Variants in MXI1 observed in about 807,000 individuals in gnomAD.
MXI1 encodes MAX interactor 1, dimerization protein, also known as max-interacting protein 1.
In MXI1, 18 loss-of-function variants were observed where a neutral mutation model predicts 36.9. The ratio of observed to expected loss-of-function variants is 0.49; its 90% confidence interval spans 0.34 to 0.72. The LOEUF is 0.72. Among genes scored for constraint, MXI1 ranks in the 30% least tolerant of loss-of-function variants. The pLI is 0.01. For missense variants in MXI1, 304 were observed against 379.1 expected, an observed-to-expected ratio of 0.80 and a Z score of 1.64; for synonymous variants, 160 against 146.7, an observed-to-expected ratio of 1.09 and a Z score of -0.65.
intron 2 of MXI1, among the ~76,000 whole-genome samples, chr10:110,238,981 G>C (rs1167516651): frequency 6.6e-6 from 1 of 152,102 alleles, no homozygotes; most frequent in Non-Finnish European, 1.5e-5. Flanking sequence ...TTCTTCATCA[G>C]CCTTAGAGGT....
At chr10:110,208,829 G>A (rs891649915) in intron 1 of MXI1, among the ~76,000 whole-genome samples, 1 of 151,642 alleles carries the variant, frequency 6.6e-6, no homozygotes. Flanking sequence ...GGGAAACTTG[G>A]CCGTGGGGAC....
intron 3 of MXI1, among the ~76,000 whole-genome samples, chr10:110,248,810 G>T (rs1251125077): frequency 6.6e-6 from 1 of 151,906 alleles, no homozygotes; most frequent in Non-Finnish European, 1.5e-5. Flanking sequence ...AGATGATATA[G>T]AATTAACTTT....
intron 1 of MXI1, among the ~76,000 whole-genome samples, chr10:110,220,487 G>A (rs1695698343): frequency 6.6e-6 from 1 of 152,208 alleles, no homozygotes; most frequent in African/African-American, 2.4e-5. Flanking sequence ...AGCAGGAGCT[G>A]GTTGTGTGGT....
chr10:110,215,928 G>A (rs1854625714), intron 1 of MXI1, among the ~76,000 whole-genome samples: 2 of 152,304 alleles, frequency 1.3e-5, no homozygotes, highest in South Asian at 4.1e-4. Flanking sequence ...TCAATTCCCT[G>A]TCCCAAGGAC....
chr10:110,222,819 T>G (rs1472979126), intron 1 of MXI1, among the ~76,000 whole-genome samples: 1 of 152,122 alleles, frequency 6.6e-6, no homozygotes, highest in East Asian at 1.9e-4. Context: ...TGAGGGATGG[T>G]TTGTGGGTAG....
At chr10:110,272,301 C>G (rs1391810576) in intron 3 of MXI1, among the ~76,000 whole-genome samples, 1 of 152,152 alleles carries the variant, frequency 6.6e-6, no homozygotes, top group Non-Finnish European at 1.5e-5. Context: ...AATGAGAAAT[C>G]CAAAACATTT....
intron 3 of MXI1, among the ~76,000 whole-genome samples, chr10:110,256,428 A>G (rs902434283): frequency 2.0e-5 from 3 of 151,596 alleles, no homozygotes; most frequent in African/African-American, 4.8e-5. Context: ...ACATGGAGAA[A>G]CCCCATCGCT....
At chr10:110,225,938 G>A (rs1404427004) in intron 1 of MXI1, 3 of 866,298 alleles carry the variant, frequency 3.5e-6, no homozygotes, top group Admixed American at 6.2e-5. Flanking sequence ...AGGCAGGGGC[G>A]GGAGGGGGCG....
chr10:110,235,742 G>A (rs544856686), intron 2 of MXI1, among the ~76,000 whole-genome samples: 1 of 151,720 alleles, frequency 6.6e-6, no homozygotes, highest in East Asian at 1.9e-4. Flanking sequence ...CGGGTGTGGT[G>A]GCTTATGCCT....
intron 3 of MXI1, among the ~76,000 whole-genome samples, chr10:110,275,946 T>TA (rs1857014004): frequency 6.7e-6 from 1 of 149,742 alleles, no homozygotes; most frequent in African/African-American, 2.5e-5. Context: ...TATTTGACAA[T>TA]AAAATGTTCA....
Position 110,225,974 on chromosome 10 carries a change from C to T in MXI1, c.275-2215C>T, listed in dbSNP as rs987331360. The T allele has an allele frequency of 3.1e-6, 3 of 975,128 alleles. No individual in the cohort carries two copies. The African/African-American group carries it at 5.3e-5, about 17-fold the overall frequency. The allele number at this position is 975,128 out of a possible 1,614,324, so 60.4% of individuals were successfully genotyped here. A position where few individuals can be genotyped will look rare whatever the true frequency, so the allele number is the denominator to read the frequency against. On this transcript the variant is annotated intron_variant, in intron 1 of 5. Transcript: ENST00000332674. Reference sequence around the variant, plus strand: ...GGCCCCGGCGCTGCTCCCGCCCCTCCCCCGTGCTCGCGGGGAGAGGTAAAC... The same window carrying T: ...GGCCCCGGCGCTGCTCCCGCCCCTCTCCCGTGCTCGCGGGGAGAGGTAAAC...
intron 3 of MXI1, among the ~76,000 whole-genome samples, chr10:110,255,758 A>G (rs1301986870): frequency 6.6e-6 from 1 of 152,174 alleles, no homozygotes; most frequent in Non-Finnish European, 1.5e-5. Flanking sequence ...ATTGATCTAT[A>G]GATTCAGTGC....
chr10:110,250,425 C>T (rs923650805), intron 3 of MXI1, among the ~76,000 whole-genome samples: 1 of 152,168 alleles, frequency 6.6e-6, no homozygotes, highest in African/African-American at 2.4e-5. Flanking sequence ...GCTTATCTTA[C>T]AGTTTGGGTC....
At chr10:110,231,863 T>A (rs1340581509) in intron 2 of MXI1, among the ~76,000 whole-genome samples, 1 of 152,220 alleles carries the variant, frequency 6.6e-6, no homozygotes, top group African/African-American at 2.4e-5. Context: ...AAATATCTCT[T>A]CAGTCGGCCT....
chr10:110,247,617 G>C (rs1855918760), intron 3 of MXI1, among the ~76,000 whole-genome samples: 1 of 152,116 alleles, frequency 6.6e-6, no homozygotes, highest in Non-Finnish European at 1.5e-5. Context: ...CTAGCCATCA[G>C]AGAAATGCAA....
intron 2 of MXI1, among the ~76,000 whole-genome samples, chr10:110,242,848 A>C (rs1855723015): frequency 6.7e-6 from 1 of 150,162 alleles, no homozygotes; most frequent in Non-Finnish European, 1.5e-5. Context: ...GTTTAGAATA[A>C]GTTTATGGCA....
intron 3 of MXI1, among the ~76,000 whole-genome samples, chr10:110,275,729 A>C (rs981483809): frequency 6.6e-6 from 1 of 152,256 alleles, no homozygotes; most frequent in Admixed American, 6.5e-5. Context: ...ATTTAAATAC[A>C]AAAACTTAAG....
intron 1 of MXI1, among the ~76,000 whole-genome samples, chr10:110,220,013 T>C (rs193122055): frequency 6.6e-6 from 1 of 152,334 alleles, no homozygotes; most frequent in Non-Finnish European, 1.5e-5. Context: ...AAGACACTCC[T>C]ACAATGTTTC....
Position 110,226,116 on chromosome 10 carries a change from G to A in MXI1, c.275-2073G>A, listed in dbSNP as rs1854958014. On this transcript the variant is annotated intron_variant, in intron 1 of 5. Coordinates refer to ENST00000332674, the MANE Select transcript of MXI1 (RefSeq NM_130439.3). The stretch of plus-strand genomic sequence containing the variant: ...GCTGGCCCGCCCGCCCGTCGCACAT[G>A]TTCCGGAACGGCGCCCGGCCGTAGC... 6 of 1,232,102 alleles carry A rather than the reference G, an allele frequency of 4.9e-6. No individual in the cohort carries two copies. In the South Asian group the frequency reaches 1.3e-4, roughly 26 times the overall value. The allele number at this position is 1,232,102 out of a possible 1,614,324, so 76.3% of individuals were successfully genotyped here.
Sources: allele counts gnomAD v4.1 joint callset (sites outside exome capture counted in the v4.1 genomes callset), GRCh38; gene constraint gnomAD v4.1.1; transcripts MANE v1.5; gene names NCBI Gene and HGNC (gene_info 2026-07-23, HGNC 2026-07-21).